Variants in PREX1 observed in about 807,000 individuals in gnomAD.
PREX1 encodes the protein phosphatidylinositol-3,4,5-trisphosphate dependent Rac exchange factor 1, also known as phosphatidylinositol 3,4,5-trisphosphate-dependent Rac exchanger 1 protein.
A neutral mutation model predicts 198.3 loss-of-function variants in PREX1; 41 were observed. That is an observed-to-expected ratio of 0.21 (90% CI 0.16 to 0.27). The LOEUF is 0.27. Ranked by LOEUF, PREX1 falls within the 10% of genes least tolerant of loss-of-function variation. The pLI, the probability that PREX1 is intolerant of heterozygous loss-of-function variation, is 1.00. For synonymous variants in PREX1, 843 were observed against 887.2 expected, an observed-to-expected ratio of 0.95 and a Z score of 0.89; for missense variants, 1,620 against 2,200.7, an observed-to-expected ratio of 0.74 and a Z score of 5.28.
chr20:48,734,565 G>A lies in PREX1; in HGVS notation c.500C>T (p.Thr167Ile). Residue 167 changes from threonine to isoleucine, a missense_variant, in exon 4 of 40, where the codon ACC (threonine) becomes ATC (isoleucine). Thr to Ile is a moderately conservative substitution (Grantham distance 89, BLOSUM62 -1). Around this residue, in one of 7 missense-constraint regions of PREX1, gnomAD observed 488 missense variants for 802.5 expected, o/e 0.61. Transcript: ENST00000371941. ...RLLVELNKIP[T>I]VRAFLLSCML... ...ACTTACCAAAAGGAAGGCGCGCACG[G>A]TAGGGATCTTGTTCAGCTCCACCAG... 3.1e-6 allele frequency: 5 copies of A among 1,614,122 alleles called. No homozygotes were observed. Among genetic ancestry groups the A allele is most frequent in the Non-Finnish European group, 4.2e-6 (5 of 1,179,952 alleles).
the PREX1 span, among the ~76,000 whole-genome samples, chr20:48,885,745 A>T: frequency 1.3e-5 from 2 of 152,052 alleles, no homozygotes; most frequent in Non-Finnish European, 2.9e-5. Flanking sequence ...GGCACTATCA[A>T]GCCGTGGAAA....
intron 27 of PREX1, chr20:48,642,774 G>C: frequency 3.3e-6 from 1 of 307,454 alleles, no homozygotes. Context: ...ACAGAGAAAA[G>C]GACCTGGAGG....
At chr20:48,690,874 ACACAGCCCC>A in intron 9 of PREX1, 64 bp downstream of exon 9, 1 of 1,598,128 alleles carries the variant, frequency 6.3e-7, no homozygotes, top group Non-Finnish European at 8.5e-7. Flanking sequence ...CCTTCCCTAG[ACACAGCCCC>A]CACTCAGAAG....
At chr20:48,805,765 G>C (rs549385354) in intron 1 of PREX1, among the ~76,000 whole-genome samples, 20 of 152,254 alleles carry the variant, frequency 1.3e-4, no homozygotes, top group African/African-American at 4.8e-4. Flanking sequence ...TCCCACCTCA[G>C]CCACAGGGCT....
chr20:48,681,314 TAGGAGCC>T lies in PREX1; in HGVS notation c.1349_1355del (p.Trp450Ter). On this transcript the variant is annotated frameshift_variant, in exon 11 of 40. Transcript: ENST00000371941. LOFTEE classifies it high-confidence loss of function. ...CCGTCTTGCTGATTTCACCAATTTC[TAGGAGCC>T]AGGCAACGAACTCACTGCCAGGAAC... The T allele has an allele frequency of 6.2e-7, 1 of 1,614,180 alleles. No individual in the cohort carries two copies. The highest frequency in any genetic ancestry group is 8.5e-7 in the Non-Finnish European group (1 of 1,180,024).
At chr20:48,820,788 A>T (rs2090481073) in intron 1 of PREX1, among the ~76,000 whole-genome samples, 1 of 152,082 alleles carries the variant, frequency 6.6e-6, no homozygotes, top group Admixed American at 6.5e-5. Context: ...ACAGGACAGC[A>T]CCCCCACAGC....
chr20:48,646,063 G>T lies in PREX1; in HGVS notation c.3306-6C>A. 6.2e-7 allele frequency: 1 copy of T among 1,612,554 alleles called. No individual in the cohort carries two copies. On this transcript the variant is annotated splice_region_variant and splice_polypyrimidine_tract_variant and intron_variant, in intron 25 of 39. Transcript: ENST00000371941. ...CTGTGATGGTGGACAGCAGCCTACG[G>T]AAGCAAAGACCTTGAAGTCAAAGAT...
chr20:48,646,690 A>AG, intron 25 of PREX1, among the ~76,000 whole-genome samples: 1 of 152,002 alleles, frequency 6.6e-6, no homozygotes, highest in East Asian at 1.9e-4. Flanking sequence ...AAAAAAAAAA[A>AG]AAGAAAAGAA....
At chr20:48,705,140 A>G (rs1242093287) in intron 6 of PREX1, among the ~76,000 whole-genome samples, 1 of 152,234 alleles carries the variant, frequency 6.6e-6, no homozygotes, top group Non-Finnish European at 1.5e-5. Context: ...CAAGTGACCC[A>G]TGACGGGGGT....
chr20:48,626,125 CCACT>C, intron 39 of PREX1, among the ~76,000 whole-genome samples, 198 bp from the exon 40 acceptor site: 1 of 152,318 alleles, frequency 6.6e-6, no homozygotes, highest in East Asian at 1.9e-4. Flanking sequence ...CAGTCTCTGC[CCACT>C]CAGAGACTGG....
chr20:48,827,874 C>T lies in PREX1; in HGVS notation c.-14G>A, dbSNP rs2090517288. The T allele has an allele frequency of 4.1e-6, 4 of 977,116 alleles. No individual in the cohort carries two copies. Among genetic ancestry groups the T allele is most frequent in the South Asian group, 9.3e-5 (2 of 21,548 alleles). The allele number at this position is 977,116 out of a possible 1,614,324, so 60.5% of individuals were successfully genotyped here. A position where few individuals can be genotyped will look rare whatever the true frequency, so the allele number is the denominator to read the frequency against. On this transcript the variant is annotated 5_prime_UTR_variant, in exon 1 of 40. Coordinates refer to ENST00000371941, the MANE Select transcript of PREX1 (RefSeq NM_020820.4). This position sits in a 1 kb window ranked among gnomAD's most constrained non-coding sequence, Gnocchi z 4.1. ...GGGCGCCTCCATTCTAGCGCGGCCG[C>T]GCGGCGCCGGCTCCTTCCGTCGCGC...
intron 1 of PREX1, among the ~76,000 whole-genome samples, chr20:48,753,167 A>G (rs1601114705): frequency 6.6e-6 from 1 of 152,134 alleles, no homozygotes; most frequent in African/African-American, 2.4e-5. Context: ...ATCATAATTG[A>G]TTAGTGATGT....
intron 15 of PREX1, 83 bp from the exon 16 acceptor site, chr20:48,660,144 G>T (rs2089579400): frequency 4.5e-6 from 7 of 1,551,034 alleles, no homozygotes; most frequent in Non-Finnish European, 6.2e-6. Flanking sequence ...GGCACAGGCT[G>T]GAACTAGGCC....
chr20:48,666,277 G>A lies in PREX1; in HGVS notation c.1738+6C>T. 6.4e-7 allele frequency: 1 copy of A among 1,560,242 alleles called. No individual in the cohort carries two copies. Among genetic ancestry groups the A allele is most frequent in the Non-Finnish European group, 8.7e-7 (1 of 1,152,670 alleles). On this transcript the variant is annotated splice_donor_region_variant and intron_variant, in intron 15 of 39. Coordinates refer to ENST00000371941, the MANE Select transcript of PREX1 (RefSeq NM_020820.4). This position sits in a 1 kb window ranked among gnomAD's most constrained non-coding sequence, Gnocchi z 4.3. Reference sequence around the variant, plus strand: ...CGGGGGCTGGGCTGCAGGTGGGGGTGGTTACCGTGGTGCATGAAGCCATTG... The same window carrying A: ...CGGGGGCTGGGCTGCAGGTGGGGGTAGTTACCGTGGTGCATGAAGCCATTG...
chr20:48,804,381 G>A (rs1260998652), intron 1 of PREX1, among the ~76,000 whole-genome samples: 2 of 152,162 alleles, frequency 1.3e-5, no homozygotes, highest in Non-Finnish European at 2.9e-5. Context: ...GGTGACTTTC[G>A]ATGGGAGGCC....
chr20:48,816,818 T>C (rs2008815), intron 1 of PREX1, among the ~76,000 whole-genome samples: 47,867 of 152,056 alleles, frequency 0.31, 7,678 homozygotes, highest in Non-Finnish European at 0.33. Context: ...GTCAACACCC[T>C]GATGGCAGCC....
chr20:48,748,659 G>T (rs1158253512), intron 1 of PREX1, among the ~76,000 whole-genome samples: 1 of 152,160 alleles, frequency 6.6e-6, no homozygotes, highest in African/African-American at 2.4e-5. Flanking sequence ...CCTTTCAGGG[G>T]CTTGGAACAG....
At chr20:48,764,657 C>A (rs756023575) in intron 1 of PREX1, among the ~76,000 whole-genome samples, 6 of 151,922 alleles carry the variant, frequency 3.9e-5, no homozygotes, top group Non-Finnish European at 7.4e-5. Flanking sequence ...GTGGTGCACA[C>A]CTGTGGTCCC....
At chr20:48,875,965 G>A in the PREX1 span, among the ~76,000 whole-genome samples, 1 of 152,180 alleles carries the variant, frequency 6.6e-6, no homozygotes, top group Non-Finnish European at 1.5e-5. Context: ...GTTCACCTGG[G>A]GGTTGGTTAT....
Sources: gnomAD v4.1 joint callset for allele counts (sites outside exome capture counted in the v4.1 genomes callset) on GRCh38, gnomAD v4.1.1 for gene constraint, gnomAD v4.1.1 regional missense constraint, Gnocchi (gnomAD v3.1) non-coding constraint, MANE v1.5 for transcripts, NCBI Gene and HGNC (gene_info 2026-07-23, HGNC 2026-07-21) for gene names.